Variants in IRAK1 observed in about 807,000 individuals in gnomAD.
IRAK1 encodes interleukin-1 receptor-associated kinase 1.
Under a neutral mutation model 49.8 loss-of-function variants are expected in IRAK1, and 9 were observed. The ratio of observed to expected loss-of-function variants is 0.18; its 90% CI spans 0.11 to 0.32. IRAK1 has a LOEUF of 0.32. IRAK1 is among the 10% of genes least tolerant of loss of function. The probability of loss-of-function intolerance (pLI) is 1.00; values close to 1 mark genes in which losing one functional copy is unlikely to be tolerated. For missense variants in IRAK1, 418 were observed against 600.5 expected, an observed-to-expected ratio of 0.70 and a Z score of 3.18; for synonymous variants, 282 against 270.8, an observed-to-expected ratio of 1.04 and a Z score of -0.41.
Position 154,013,296 on chromosome X carries a change from A to C in IRAK1, c.1677T>G (p.Ala559=). ...ATGGCGCTGCCAGGGGCTGCCATGG[A>C]GCAGCCCCACTGTGGGCTCTGCCAG... ...SSTGRAHSGA[A]PWQPLAAPSG... is the part of the protein sequence containing the mutation. Residue 559 remains alanine (A), a synonymous_variant, in exon 12 of 14, where the codon GCT becomes GCG. Transcript: ENST00000369980. 8.3e-7 allele frequency: 1 copy of C among 1,208,975 alleles called. No individual in the cohort carries two copies. Among genetic ancestry groups the C allele is most frequent in the Non-Finnish European group, 1.1e-6 (1 of 894,291 alleles).
At position 154,016,544 on chromosome X, in the gene IRAK1, T is replaced by C. The variant is rs2065740046; in HGVS notation, c.1129A>G (p.Met377Val). ...FAGSSPSQSS[M>V]VARTQTVRGT... ...CGCACTGTCTGTGTCCGGGCCACCA[T>C]GCTGCTCTGGCTGGGGCTGGACCCG... The change falls in exon 9 of 14, where the codon ATG (methionine) becomes GTG (valine). Residue 377 changes from methionine to valine, a missense_variant. Around this residue, in one of 3 missense-constraint regions of IRAK1, gnomAD observed 377 missense variants for 499.5 expected, o/e 0.75. Transcript: ENST00000369980. 8.3e-7 allele frequency: 1 copy of C among 1,211,218 alleles called. No individual in the cohort carries two copies. The highest frequency in any genetic ancestry group is 1.8e-5 in the South Asian group (1 of 57,004).
rs782448334 is a variant in IRAK1 at position 154,013,321 on chromosome X, G to C, written c.1652C>G (p.Thr551Ser). Residue 551 changes from threonine (T) to serine (S), a missense_variant, in exon 12 of 14, where the codon ACT becomes AGT. Physicochemically the swap from Thr to Ser is moderately conservative, Grantham distance 58. Around this residue, in one of 3 missense-constraint regions of IRAK1, gnomAD observed 377 missense variants for 499.5 expected, o/e 0.75. Coordinates refer to ENST00000369980, the MANE Select transcript of IRAK1 (RefSeq NM_001569.4). ...AGCAGCCCCACTGTGGGCTCTGCCA[G>C]TGCTGGACACGTAGGAGTTCTCCTG... is the stretch of plus-strand genomic sequence containing the variant. ...SPQENSYVSS[T>S]GRAHSGAAPW... is the part of the protein sequence containing the mutation. 1.7e-6 allele frequency: 2 copies of C among 1,207,793 alleles called. No homozygotes were observed. Among genetic ancestry groups the C allele is most frequent in the African/African-American group, 3.5e-5 (2 of 57,861 alleles).
rs2065723417 is a variant in IRAK1, at chrX:154,014,273, G to A, written c.1308C>T (p.Asp436=). 3 of 1,207,638 alleles carry A rather than the reference G, an allele frequency of 2.5e-6. No homozygotes were observed. Among genetic ancestry groups the A allele is most frequent in the Non-Finnish European group, 3.4e-6 (3 of 894,118 alleles). Residue 436 remains aspartate, a synonymous_variant, in exon 11 of 14, where the codon GAC becomes GAT. Coordinates refer to ENST00000369980, the MANE Select transcript of IRAK1 (RefSeq NM_001569.4). ...THGARTKYLK[D]LVEEEAEEAG... Reference sequence around the variant, plus strand: ...CCTCCTCAGCCTCCTCTTCCACCAGGTCTTTCTGTGGGATAAATACTGTCA... The same window carrying A: ...CCTCCTCAGCCTCCTCTTCCACCAGATCTTTCTGTGGGATAAATACTGTCA...
intron 11 of IRAK1, 26 bp downstream of exon 11, chrX:154,014,015 AC>A: frequency 8.4e-7 from 1 of 1,190,905 alleles, no homozygotes; most frequent in Non-Finnish European, 1.1e-6. Context: ...CTATCTGGCC[AC>A]CCCGTCCCAG....
intron 4 of IRAK1, 45 bp from the exon 5 acceptor site, chrX:154,018,832 C>T (rs1557130475): frequency 4.0e-6 from 3 of 758,900 alleles, no homozygotes; most frequent in Non-Finnish European, 6.0e-6. Flanking sequence ...TGTCTCTTCC[C>T]TTCTGCCCAA....
intron 4 of IRAK1, 56 bp downstream of exon 4, chrX:154,018,919 G>A: frequency 9.7e-7 from 1 of 1,027,171 alleles, no homozygotes; most frequent in Non-Finnish European, 1.3e-6. Flanking sequence ...CTACATCAAA[G>A]GCTGAATTCC....
At chrX:154,014,448 C>T in intron 10 of IRAK1, 170 bp from the exon 11 acceptor site, 2 of 483,824 alleles carry the variant, frequency 4.1e-6, no homozygotes, top group Non-Finnish European at 6.9e-6. Flanking sequence ...CTCAAGTGAT[C>T]CTCCCGCCTC....
intron 11 of IRAK1, 143 bp from the exon 12 acceptor site, chrX:154,013,576 G>T: frequency 1.8e-6 from 1 of 544,529 alleles, no homozygotes. Flanking sequence ...GGAACGCTCT[G>T]CCCCTCGCCC....
chrX:154,018,961 C>T lies in IRAK1; in HGVS notation c.540+14G>A. On this transcript the variant is annotated intron_variant, in intron 4 of 13. Transcript: ENST00000369980. ...CTTGTCTCGAATCTTCCCTGGGGGGCAGGGGACACCTACCTTGGTAGAAGA... is the reference window on the plus strand; with the variant it reads ...CTTGTCTCGAATCTTCCCTGGGGGGTAGGGGACACCTACCTTGGTAGAAGA... The T allele has an allele frequency of 8.7e-7, 1 of 1,150,239 alleles. No individual in the cohort carries two copies. Among genetic ancestry groups the T allele is most frequent in the Non-Finnish European group, 1.2e-6 (1 of 850,461 alleles). 94.8% of individuals were successfully genotyped at this position (1,150,239 alleles called of 1,213,427 possible). A position where few individuals can be genotyped will look rare whatever the true frequency, so the allele number is the denominator to read the frequency against.
chrX:154,016,332 G>C, intron 9 of IRAK1, 105 bp downstream of exon 9: 5 of 799,139 alleles, frequency 6.3e-6, no homozygotes, highest in Non-Finnish European at 9.3e-6. Flanking sequence ...CAGCCTCCTG[G>C]GGTCTTGGCA....
Position 154,010,589 on chromosome X carries a change from G to A in IRAK1, c.*1270C>T, listed in dbSNP as rs901236101. 9.7e-5 allele frequency: 15 copies of A among 154,341 alleles called. 1 individual carries two copies. In the South Asian group the frequency reaches 1.8e-3, roughly 18 times the overall value. 12.7% of individuals were successfully genotyped at this position (154,341 alleles called of 1,213,427 possible). ...CACGGGGGCATGTAGTGTGACTCAC[G>A]GCTGAACACAAAATCACTGTGAAGC... On this transcript the variant is annotated 3_prime_UTR_variant, in exon 14 of 14. Transcript: ENST00000369980.
rs1557130541 is a variant in IRAK1, at chrX:154,018,993, T to C, written c.522A>G (p.Pro174=). The C allele has an allele frequency of 8.3e-7, 1 of 1,202,929 alleles. No homozygotes were observed. Among genetic ancestry groups the C allele is most frequent in the Non-Finnish European group, 1.1e-6 (1 of 890,624 alleles). Residue 174 remains proline, a synonymous_variant, in exon 4 of 14, where the codon CCA becomes CCG. Coordinates refer to ENST00000369980, the MANE Select transcript of IRAK1 (RefSeq NM_001569.4). ...CACCTACCTTGGTAGAAGAAGGGGCTGGAGATGGCGGTGGAGGCCACAGGG... is the reference window on the plus strand; with the variant it reads ...CACCTACCTTGGTAGAAGAAGGGGCCGGAGATGGCGGTGGAGGCCACAGGG... The part of the protein sequence containing the change: ...PASLWPPPPS[P]APSSTKPGPE...
intron 5 of IRAK1, 34 bp downstream of exon 5, chrX:154,018,565 C>T (rs901302081): frequency 8.9e-7 from 1 of 1,123,278 alleles, no homozygotes; most frequent in African/African-American, 1.8e-5. Context: ...TATCTGATGG[C>T]CTTCCAGGGT....
chrX:154,013,963 G>C, intron 11 of IRAK1, 79 bp downstream of exon 11: 1 of 1,109,380 alleles, frequency 9.0e-7, no homozygotes, highest in South Asian at 2.0e-5. Context: ...AGCAGGTGCT[G>C]AGATGGGGTC....
rs1398350146 is a variant in IRAK1, at chrX:154,018,770, T to C, written c.558A>G (p.Ser186=). ...PSSTKPGPES[S]VSLLQGARPF... ...GGCGGGCTCCCTGCAGGAGGGACAC[T>C]GAGCTCTCTGGGCCTGGCTGTGGGA... is the stretch of plus-strand genomic sequence containing the variant. Residue 186 remains serine (S), a synonymous_variant, in exon 5 of 14, where the codon TCA becomes TCG. Coordinates refer to ENST00000369980, the MANE Select transcript of IRAK1 (RefSeq NM_001569.4). The C allele has an allele frequency of 1.2e-6, 1 of 862,603 alleles. No homozygotes were observed. The allele number at this position is 862,603 out of a possible 1,213,427, so 71.1% of individuals were successfully genotyped here. A position where few individuals can be genotyped will look rare whatever the true frequency, so the allele number is the denominator to read the frequency against.
chrX:154,014,151 T>C lies in IRAK1; in HGVS notation c.1430A>G (p.His477Arg), dbSNP rs1327486470. 8.3e-7 allele frequency: 1 copy of C among 1,209,698 alleles called. No homozygotes were observed. Among genetic ancestry groups the C allele is most frequent in the African/African-American group, 1.7e-5 (1 of 57,531 alleles). The change falls in exon 11 of 14, where the codon CAC (histidine) becomes CGC (arginine). Residue 477 changes from histidine to arginine, a missense_variant. Around this residue, in one of 3 missense-constraint regions of IRAK1, gnomAD observed 377 missense variants for 499.5 expected, o/e 0.75. Transcript: ENST00000369980. ...GCAGGGCCCGGGCCTGGGGTCCAGG[T>C]GCTTCTTGTAGATCTGCATGGCGAT... ...APIAMQIYKKHLDPRPGPCPP... is the reference protein window; with the variant it reads ...APIAMQIYKKRLDPRPGPCPP...
At chrX:154,015,333 G>A (rs144745772) in intron 10 of IRAK1, among the ~76,000 whole-genome samples, 381 of 112,397 alleles carry the variant, frequency 3.4e-3, no homozygotes, top group Middle Eastern at 9.2e-3. Flanking sequence ...ATGGATGGAC[G>A]GACGGGGAAG....
Position 154,019,178 on chromosome X carries a change from A to AATT in IRAK1, c.436+18_436+19insAAT. 1 of 1,210,948 alleles carries AATT rather than the reference A, an allele frequency of 8.3e-7. No homozygotes were observed. The highest frequency in any genetic ancestry group is 1.1e-6 in the Non-Finnish European group (1 of 895,084). On this transcript the variant is annotated intron_variant, in intron 3 of 13. Coordinates refer to ENST00000369980, the MANE Select transcript of IRAK1 (RefSeq NM_001569.4). ...GCTCTTCTTTGGGTCCACCGAGCCT[A>AATT]ACAACCGGGCCCTCTTACCTGGGGA...
Position 154,010,569 on chromosome X carries a change from G to A in IRAK1, c.*1290C>T. 1 of 135,697 alleles carries A rather than the reference G, an allele frequency of 7.4e-6. No individual in the cohort carries two copies. Among genetic ancestry groups the A allele is most frequent in the Non-Finnish European group, 1.5e-5 (1 of 66,069 alleles). 11.2% of individuals were successfully genotyped at this position (135,697 alleles called of 1,213,427 possible). A position where few individuals can be genotyped will look rare whatever the true frequency, so the allele number is the denominator to read the frequency against. On this transcript the variant is annotated 3_prime_UTR_variant, in exon 14 of 14. Coordinates refer to ENST00000369980, the MANE Select transcript of IRAK1 (RefSeq NM_001569.4). ...ACGTCACCAATGCCCAGCTTCACGG[G>A]GGCATGTAGTGTGACTCACGGCTGA...
Sources: gnomAD v4.1 joint callset for allele counts (sites outside exome capture counted in the v4.1 genomes callset) on GRCh38, gnomAD v4.1.1 for gene constraint, gnomAD v4.1.1 regional missense constraint, MANE v1.5 for transcripts, NCBI Gene and HGNC (gene_info 2026-07-23, HGNC 2026-07-21) for gene names.